Variants in STAU2 observed in about 807,000 individuals in gnomAD.
STAU2 encodes the protein staufen double-stranded RNA binding protein 2.
Under a neutral mutation model 65.9 loss-of-function variants are expected in STAU2, and 20 were observed. The observed-to-expected ratio is 0.30, with a 90% CI of 0.21 to 0.44. The LOEUF (loss-of-function observed/expected upper bound fraction) is 0.44. STAU2 is among the 20% of genes least tolerant of loss of function. The probability of loss-of-function intolerance (pLI) is 1.00; values close to 1 mark genes in which losing one functional copy is unlikely to be tolerated. For synonymous variants in STAU2, 232 were observed against 233.9 expected, an observed-to-expected ratio of 0.99 and a Z score of 0.07; for missense variants, 558 against 683.9, an observed-to-expected ratio of 0.82 and a Z score of 2.05.
rs1806716008 is a variant in STAU2 at position 73,739,879 on chromosome 8, G to GA, written c.-196-12dup. ...TGTGGTAGGCAGCCTCTAACAAATA[G>GA]AATATAGCAGAAATAATGAGATACC... On this transcript the variant is annotated splice_polypyrimidine_tract_variant and intron_variant, in intron 1 of 14. Transcript: ENST00000524300. The GA allele has an allele frequency of 4.4e-6, 4 of 916,098 alleles. No individual in the cohort carries two copies. The highest frequency in any genetic ancestry group is 6.8e-6 in the Non-Finnish European group (4 of 584,984). 56.7% of individuals were successfully genotyped at this position (916,098 alleles called of 1,614,324 possible).
intron 13 of STAU2, among the ~76,000 whole-genome samples, chr8:73,497,816 C>T (rs1213844211): frequency 6.6e-6 from 1 of 151,724 alleles, no homozygotes; most frequent in African/African-American, 2.4e-5. Flanking sequence ...CTAGTAATAA[C>T]ACACTCGAGT....
chr8:73,625,789 G>GT (rs564087843), intron 6 of STAU2, among the ~76,000 whole-genome samples: 292 of 152,156 alleles, frequency 1.9e-3, no homozygotes, highest in Non-Finnish European at 3.4e-3. Flanking sequence ...TGACAAGACA[G>GT]TTTTTGTAGG....
At chr8:73,703,635 G>A (rs1029357874) in intron 4 of STAU2, among the ~76,000 whole-genome samples, 2 of 152,108 alleles carry the variant, frequency 1.3e-5, no homozygotes, top group Non-Finnish European at 2.9e-5. Context: ...TAATAAAAAG[G>A]AAGAAATACT....
intron 4 of STAU2, among the ~76,000 whole-genome samples, chr8:73,694,702 G>A (rs1304322275): frequency 6.6e-6 from 1 of 152,208 alleles, no homozygotes; most frequent in Non-Finnish European, 1.5e-5. Flanking sequence ...GAGGCATTGA[G>A]GAGGGTAGGA....
intron 6 of STAU2, among the ~76,000 whole-genome samples, chr8:73,658,482 C>A (rs1356164118): frequency 6.6e-6 from 1 of 152,116 alleles, no homozygotes; most frequent in Non-Finnish European, 1.5e-5. Flanking sequence ...TGGAACAAGG[C>A]CTATTTGATG....
intron 12 of STAU2, among the ~76,000 whole-genome samples, chr8:73,559,192 G>GGGTACATGCAACCTCTTTGTA (rs1271835953): frequency 6.6e-5 from 10 of 152,128 alleles, no homozygotes; most frequent in African/African-American, 2.4e-4. Context: ...GCTGAGTGAC[G>GGGTACATGCAACCTCTTTGTA]GGTACATGCA....
At chr8:73,441,079 T>C (rs751632433) in intron 13 of STAU2, 5 of 152,328 alleles carry the variant, frequency 3.3e-5, no homozygotes, top group African/African-American at 4.8e-5. Context: ...CCCCTCCTTG[T>C]GACCCCTGGA....
chr8:73,459,791 T>A lies in STAU2; in HGVS notation c.1531-37089A>T, dbSNP rs117963965. On this transcript the variant is annotated intron_variant, in intron 13 of 14. Coordinates refer to ENST00000524300, the MANE Select transcript of STAU2 (RefSeq NM_001164380.2). ...CCTGGTATGCTGCTGAATATATGCA[T>A]TCAATAGGAATTTTCAAAACATATT... 8.5e-5 allele frequency among the ~76,000 whole-genome samples: 13 copies of A among 152,302 alleles called. No individual in the cohort carries two copies. The East Asian group carries it at 1.7e-3, about 20-fold the overall frequency.
At chr8:73,701,425 T>C (rs1586304361) in intron 4 of STAU2, among the ~76,000 whole-genome samples, 1 of 151,920 alleles carries the variant, frequency 6.6e-6, no homozygotes, top group African/African-American at 2.4e-5. Flanking sequence ...CAAATAACTC[T>C]ATAGGAAAAA....
chr8:73,685,115 C>G (rs1818702650), intron 5 of STAU2, among the ~76,000 whole-genome samples: 1 of 152,146 alleles, frequency 6.6e-6, no homozygotes, highest in African/African-American at 2.4e-5. Flanking sequence ...CTTTTTCTCT[C>G]TTGCCACCTT....
At chr8:73,681,132 G>A (rs991111376) in intron 5 of STAU2, among the ~76,000 whole-genome samples, 1 of 152,006 alleles carries the variant, frequency 6.6e-6, no homozygotes, top group Admixed American at 6.6e-5. Context: ...GGAATTCATT[G>A]CAAAAAGATC....
intron 5 of STAU2, among the ~76,000 whole-genome samples, chr8:73,687,860 C>T (rs924529586): frequency 6.6e-6 from 1 of 151,176 alleles, no homozygotes; most frequent in Non-Finnish European, 1.5e-5. Flanking sequence ...TACAGGCACC[C>T]GCCACCATGT....
intron 13 of STAU2, among the ~76,000 whole-genome samples, chr8:73,443,551 T>C (rs1818314056): frequency 1.3e-5 from 2 of 152,222 alleles, no homozygotes; most frequent in African/African-American, 4.8e-5. Flanking sequence ...GAAGCCTTTT[T>C]AGACTTCAAA....
At chr8:73,587,960 G>A (rs1465194874) in intron 11 of STAU2, among the ~76,000 whole-genome samples, 1 of 151,942 alleles carries the variant, frequency 6.6e-6, no homozygotes, top group Non-Finnish European at 1.5e-5. Context: ...TGAATATAAT[G>A]ATCAAATACA....
chr8:73,717,692 G>A (rs1391222568), intron 3 of STAU2, among the ~76,000 whole-genome samples: 2 of 152,078 alleles, frequency 1.3e-5, no homozygotes, highest in Non-Finnish European at 2.9e-5. Flanking sequence ...CTGTCGCCCA[G>A]GCTGGAGTGC....
At chr8:73,696,779 T>G (rs923231901) in intron 4 of STAU2, among the ~76,000 whole-genome samples, 2 of 152,086 alleles carry the variant, frequency 1.3e-5, no homozygotes, top group African/African-American at 4.8e-5. Context: ...CTTACTGGCC[T>G]TAAAGAAAAG....
chr8:73,451,871 C>T (rs188719821), intron 13 of STAU2, among the ~76,000 whole-genome samples: 54 of 152,320 alleles, frequency 3.5e-4, no homozygotes, highest in Admixed American at 3.3e-3. Flanking sequence ...TTCAAAGGGA[C>T]ACAAAAACCC....
intron 7 of STAU2, among the ~76,000 whole-genome samples, chr8:73,616,262 T>C (rs752623411): frequency 2.0e-5 from 3 of 152,184 alleles, no homozygotes; most frequent in Non-Finnish European, 4.4e-5. Flanking sequence ...CACATACTTC[T>C]GGAAGGCCTC....
chr8:73,651,778 C>A (rs10096290), intron 6 of STAU2, among the ~76,000 whole-genome samples: 73,151 of 152,140 alleles, frequency 0.48, 19,626 homozygotes, highest in Non-Finnish European at 0.62. Flanking sequence ...CTGCCGGAGA[C>A]GGGATGCATT....
Sources: allele counts gnomAD v4.1 joint callset (sites outside exome capture counted in the v4.1 genomes callset), GRCh38; gene constraint gnomAD v4.1.1; transcripts MANE v1.5; gene names NCBI Gene and HGNC (gene_info 2026-07-23, HGNC 2026-07-21).